The following LEO1 variants were observed in gnomAD, a reference collection of about 807,000 sequenced individuals.
LEO1 encodes the protein LEO1 component of Paf1/RNA polymerase II complex.
A neutral mutation model predicts 80.4 loss-of-function variants in LEO1; 34 were observed. The observed-to-expected ratio is 0.42, with a 90% CI of 0.32 to 0.56. The LOEUF (loss-of-function observed/expected upper bound fraction) is 0.56. LEO1 is among the 20% of genes least tolerant of loss of function. LEO1 has a pLI of 0.10. For synonymous variants in LEO1, 262 were observed against 274.9 expected, an observed-to-expected ratio of 0.95 and a Z score of 0.46; for missense variants, 631 against 814.2, an observed-to-expected ratio of 0.77 and a Z score of 2.74.
intron 9 of LEO1, among the ~76,000 whole-genome samples, chr15:51,951,607 T>C (rs2056949460): frequency 6.6e-6 from 1 of 152,234 alleles, no homozygotes; most frequent in African/African-American, 2.4e-5. Flanking sequence ...ATCACCGGTT[T>C]GTTGCTGAAC....
At chr15:51,942,972 G>A (rs1457605397) in intron 11 of LEO1, among the ~76,000 whole-genome samples, 1 of 151,246 alleles carries the variant, frequency 6.6e-6, no homozygotes, top group African/African-American at 2.4e-5. Context: ...TTTGTCTAGT[G>A]CCAGGCACAG....
chr15:51,953,308 C>T (rs765275128), intron 7 of LEO1, 45 bp from the exon 8 acceptor site: 2 of 1,600,362 alleles, frequency 1.2e-6, no homozygotes, highest in East Asian at 4.5e-5. Flanking sequence ...AAAGCTTTCA[C>T]TCTACCATCT....
At chr15:51,964,506 A>C (rs766611236) in intron 2 of LEO1, among the ~76,000 whole-genome samples, 3 of 151,970 alleles carry the variant, frequency 2.0e-5, no homozygotes, top group Admixed American at 6.6e-5. Context: ...CTATGTAACA[A>C]ACCTGCACGT....
At chr15:51,945,396 G>A (rs2141747419) in intron 11 of LEO1, among the ~76,000 whole-genome samples, 1 of 152,006 alleles carries the variant, frequency 6.6e-6, no homozygotes, top group South Asian at 2.1e-4. Context: ...ATGCCAGGCA[G>A]GTTCCCACCT....
At chr15:51,953,108 C>G (rs1264591332) in intron 8 of LEO1, 21 bp downstream of exon 8, 2 of 1,593,164 alleles carry the variant, frequency 1.3e-6, no homozygotes, top group African/African-American at 1.4e-5. Context: ...AGAAATAATA[C>G]ATAATAATAA....
rs1271149708 is a variant in LEO1, at chr15:51,965,448, T to G, written c.814+301A>C. 2.6e-5 allele frequency among the ~76,000 whole-genome samples: 4 copies of G among 152,198 alleles called. No individual in the cohort carries two copies. In the South Asian group the frequency reaches 8.3e-4, roughly 31 times the overall value. Reference sequence around the variant, plus strand: ...GTTATCCACAGAAATGGAATCAACTTAACTCATTATCAGCTCTTCTTACAC... The same window carrying G: ...GTTATCCACAGAAATGGAATCAACTGAACTCATTATCAGCTCTTCTTACAC... On this transcript the variant is annotated intron_variant, in intron 2 of 11. Transcript: ENST00000299601.
At chr15:51,950,298 A>C (rs917405373) in intron 9 of LEO1, among the ~76,000 whole-genome samples, 1 of 152,198 alleles carries the variant, frequency 6.6e-6, no homozygotes, top group Non-Finnish European at 1.5e-5. Flanking sequence ...AGAGAGAAGC[A>C]ACCCGCCTGA....
chr15:51,971,027 T>G (rs2057118722), intron 1 of LEO1, among the ~76,000 whole-genome samples: 2 of 152,136 alleles, frequency 1.3e-5, no homozygotes, highest in African/African-American at 4.8e-5. Flanking sequence ...CATACACTAA[T>G]TCATTCATTT....
chr15:51,966,195 G>A lies in LEO1; in HGVS notation c.368C>T (p.Ser123Leu), dbSNP rs751717493. The change falls in exon 2 of 12, where the codon TCG (serine) becomes TTG (leucine). Residue 123 changes from serine to leucine, a missense_variant. Coordinates refer to ENST00000299601, the MANE Select transcript of LEO1 (RefSeq NM_138792.4). ...PNDDEDEGHR[S>L]DGGSHHSEAE... ...TTCTGAATGATGGCTCCCTCCATCC[G>A]ATCTATGACCTTCGTCTTCATCATC... 10 of 1,613,848 alleles carry A rather than the reference G, an allele frequency of 6.2e-6. No homozygotes were observed. Among genetic ancestry groups the A allele is most frequent in the South Asian group, 2.2e-5 (2 of 91,080 alleles).
At chr15:51,949,757 T>A in intron 10 of LEO1, 51 bp downstream of exon 10, 1 of 1,477,302 alleles carries the variant, frequency 6.8e-7, no homozygotes, top group Admixed American at 1.9e-5. Context: ...AATGCCAAGA[T>A]GAAGTCCAGA....
At chr15:51,950,392 C>A (rs1566882178) in intron 9 of LEO1, among the ~76,000 whole-genome samples, 1 of 152,222 alleles carries the variant, frequency 6.6e-6, no homozygotes, top group Non-Finnish European at 1.5e-5. Context: ...GAACCACAGA[C>A]AACTGATCTG....
chr15:51,958,932 A>G (rs2057009672), intron 5 of LEO1, 106 bp from the exon 6 acceptor site: 1 of 541,506 alleles, frequency 1.8e-6, no homozygotes, highest in East Asian at 3.3e-5. Flanking sequence ...AAAAATCATA[A>G]TATAATTTTA....
chr15:51,944,178 AAGAC>A (rs1457236843), intron 11 of LEO1, among the ~76,000 whole-genome samples: 3 of 152,230 alleles, frequency 2.0e-5, no homozygotes, highest in African/African-American at 4.8e-5. Flanking sequence ...AAAATGCTGA[AAGAC>A]AGAAAACTTC....
chr15:51,959,808 G>T, intron 5 of LEO1, 91 bp downstream of exon 5: 1 of 1,227,996 alleles, frequency 8.1e-7, no homozygotes, highest in South Asian at 1.8e-5. Flanking sequence ...TTCCGTTTTT[G>T]TGATTTGTCA....
intron 2 of LEO1, among the ~76,000 whole-genome samples, chr15:51,963,316 A>G (rs1193999519): frequency 6.6e-6 from 1 of 152,186 alleles, no homozygotes; most frequent in Non-Finnish European, 1.5e-5. Flanking sequence ...AAAACTTGGT[A>G]GAAATGAGAA....
intron 3 of LEO1, among the ~76,000 whole-genome samples, chr15:51,962,178 A>G (rs1239186594): frequency 6.6e-6 from 1 of 151,926 alleles, no homozygotes; most frequent in Non-Finnish European, 1.5e-5. Flanking sequence ...AAAAAAAAAA[A>G]AAACTACAAA....
At chr15:51,962,294 G>A (rs1214062370) in intron 3 of LEO1, 95 bp downstream of exon 3, 7 of 738,734 alleles carry the variant, frequency 9.5e-6, no homozygotes, top group East Asian at 2.8e-5. Flanking sequence ...TGGGTCTGGC[G>A]ATCTGGGGTA....
At chr15:51,945,939 C>T (rs1255438716) in intron 11 of LEO1, among the ~76,000 whole-genome samples, 1 of 151,216 alleles carries the variant, frequency 6.6e-6, no homozygotes, top group Non-Finnish European at 1.5e-5. Context: ...GAGGCTGAGG[C>T]AGGAAAATGG....
intron 6 of LEO1, among the ~76,000 whole-genome samples, chr15:51,958,034 T>C (rs1484209691): frequency 2.0e-5 from 3 of 151,766 alleles, no homozygotes; most frequent in Non-Finnish European, 4.4e-5. Flanking sequence ...AAAAAATATA[T>C]AAATACCCAC....
Sources: gnomAD v4.1 joint callset for allele counts (sites outside exome capture counted in the v4.1 genomes callset) on GRCh38, gnomAD v4.1.1 for gene constraint, MANE v1.5 for transcripts, NCBI Gene and HGNC (gene_info 2026-07-23, HGNC 2026-07-21) for gene names.